Variants in KALRN observed in about 807,000 individuals in gnomAD.
KALRN encodes the protein kalirin RhoGEF kinase, also known as kalirin.
Under a neutral mutation model 353.7 loss-of-function variants are expected in KALRN, and 70 were observed. That is an observed-to-expected ratio of 0.20 (90% CI 0.16 to 0.24). The LOEUF (loss-of-function observed/expected upper bound fraction) is 0.24. Ranked by LOEUF, KALRN falls within the 10% of genes least tolerant of loss-of-function variation. The pLI is 1.00. For missense variants in KALRN, 2,791 were observed against 3,756.7 expected, an observed-to-expected ratio of 0.74 and a Z score of 6.72; for synonymous variants, 1,391 against 1,434.8, an observed-to-expected ratio of 0.97 and a Z score of 0.69.
At chr3:124,565,218 C>T (rs2072657634) in intron 34 of KALRN, among the ~76,000 whole-genome samples, 1 of 152,212 alleles carries the variant, frequency 6.6e-6, no homozygotes, top group African/African-American at 2.4e-5. Context: ...GACCGACGTC[C>T]TAATTCTCCT....
intron 1 of KALRN, among the ~76,000 whole-genome samples, chr3:124,182,420 A>C (rs922952190): frequency 6.6e-6 from 1 of 152,146 alleles, no homozygotes. Flanking sequence ...TTTGGGGCTG[A>C]GGGTCTCAGT....
At chr3:124,700,163 A>T in intron 56 of KALRN, 130 bp downstream of exon 56, 3 of 853,094 alleles carry the variant, frequency 3.5e-6, no homozygotes, top group Non-Finnish European at 3.7e-6. Flanking sequence ...ACTAAGAAGA[A>T]TGTTTCTGTA....
chr3:124,531,737 A>G (rs2068059261), intron 33 of KALRN, among the ~76,000 whole-genome samples: 1 of 152,202 alleles, frequency 6.6e-6, no homozygotes. Flanking sequence ...TAAGCCATTC[A>G]TGAGAAACAC....
chr3:124,065,217 T>C (rs1279343652), intron 1 of KALRN, among the ~76,000 whole-genome samples: 1 of 152,230 alleles, frequency 6.6e-6, no homozygotes, highest in African/African-American at 2.4e-5. Context: ...ATCGTGATGA[T>C]AGGGCTGGGT....
chr3:124,143,339 A>G (rs2066872547), intron 1 of KALRN, among the ~76,000 whole-genome samples: 1 of 152,154 alleles, frequency 6.6e-6, no homozygotes, highest in African/African-American at 2.4e-5. Flanking sequence ...GGCAATCCAC[A>G]TGGTTTATTG....
chr3:124,577,392 G>A (rs1274301554), intron 34 of KALRN, among the ~76,000 whole-genome samples: 1 of 152,144 alleles, frequency 6.6e-6, no homozygotes, highest in Non-Finnish European at 1.5e-5. Flanking sequence ...GAGTCCAGGA[G>A]CTGTCTGTCA....
At chr3:124,498,043 A>G (rs2108587038) in intron 33 of KALRN, among the ~76,000 whole-genome samples, 1 of 152,332 alleles carries the variant, frequency 6.6e-6, no homozygotes, top group East Asian at 1.9e-4. Flanking sequence ...TTATTCTACA[A>G]GTAAGGAAGC....
At chr3:124,488,163 G>C (rs775830127) in intron 28 of KALRN, 41 bp from the exon 29 acceptor site, 1 of 1,249,084 alleles carries the variant, frequency 8.0e-7, no homozygotes, top group Non-Finnish European at 1.2e-6. Context: ...AGGAAGCTGG[G>C]GGAGATGGCC....
At chr3:124,649,362 T>G (rs1486433603) in intron 37 of KALRN, among the ~76,000 whole-genome samples, 1 of 152,192 alleles carries the variant, frequency 6.6e-6, no homozygotes, top group Admixed American at 6.5e-5. Flanking sequence ...TTCCTACCTT[T>G]TTGGACTGCA....
intron 3 of KALRN, among the ~76,000 whole-genome samples, chr3:124,260,622 A>G (rs1017818075): frequency 4.6e-5 from 7 of 152,050 alleles, no homozygotes; most frequent in African/African-American, 1.7e-4. Flanking sequence ...GGTTTCAGAT[A>G]CTAGGAGCTT....
intron 33 of KALRN, among the ~76,000 whole-genome samples, chr3:124,529,716 A>C (rs1187921244): frequency 6.6e-6 from 1 of 151,996 alleles, no homozygotes; most frequent in Non-Finnish European, 1.5e-5. Context: ...TATTCTACAC[A>C]TGAGCTTTTA....
intron 51 of KALRN, among the ~76,000 whole-genome samples, chr3:124,684,960 C>G (rs755531898): frequency 6.6e-6 from 1 of 152,160 alleles, no homozygotes; most frequent in Non-Finnish European, 1.5e-5. Context: ...CCAACTACCA[C>G]ATCAGCTACT....
chr3:124,670,093 C>T (rs2086214119), intron 47 of KALRN, among the ~76,000 whole-genome samples: 1 of 151,980 alleles, frequency 6.6e-6, no homozygotes. Flanking sequence ...GCTTCAGCCT[C>T]CTGAGAAGCT....
chr3:124,341,782 T>C (rs1255070950), intron 9 of KALRN, among the ~76,000 whole-genome samples: 1 of 152,132 alleles, frequency 6.6e-6, no homozygotes, highest in Non-Finnish European at 1.5e-5. Context: ...GCAATAATTG[T>C]AGTTTCAACA....
At chr3:124,150,327 T>C (rs1269038910) in intron 1 of KALRN, among the ~76,000 whole-genome samples, 1 of 152,228 alleles carries the variant, frequency 6.6e-6, no homozygotes, top group Non-Finnish European at 1.5e-5. Flanking sequence ...AAGTGGGACA[T>C]AGATACTAAA....
intron 34 of KALRN, among the ~76,000 whole-genome samples, chr3:124,627,424 A>G (rs1401532080): frequency 1.3e-4 from 20 of 152,250 alleles, no homozygotes; most frequent in Admixed American, 1.2e-3. Context: ...GAAGTAAATG[A>G]CAACAGGGGA....
At chr3:124,498,757 C>T (rs746134526) in intron 33 of KALRN, among the ~76,000 whole-genome samples, 15 of 152,062 alleles carry the variant, frequency 9.9e-5, no homozygotes, top group Non-Finnish European at 2.1e-4. Context: ...TGTTCTTACT[C>T]TTCTAACACA....
intron 4 of KALRN, 116 bp from the exon 5 acceptor site, chr3:124,268,627 G>A (rs1052794447): frequency 9.9e-6 from 11 of 1,109,882 alleles, no homozygotes; most frequent in East Asian, 4.8e-5. Context: ...CACCATTTCC[G>A]AGGCAGGCTG....
At chr3:124,599,128 C>A (rs978914742) in intron 34 of KALRN, among the ~76,000 whole-genome samples, 9 of 152,148 alleles carry the variant, frequency 5.9e-5, no homozygotes, top group Admixed American at 6.5e-5. Context: ...CCTCTTCTGG[C>A]CCGCAAGTGG....
Sources: allele counts gnomAD v4.1 joint callset (sites outside exome capture counted in the v4.1 genomes callset), GRCh38; gene constraint gnomAD v4.1.1; transcripts MANE v1.5; gene names NCBI Gene and HGNC (gene_info 2026-07-23, HGNC 2026-07-21).